The following AOPEP variants were observed in gnomAD, a reference collection of about 807,000 sequenced individuals.
AOPEP encodes aminopeptidase O (putative).
In AOPEP, 77 loss-of-function variants were observed where a neutral mutation model predicts 98.1. The ratio of observed to expected loss-of-function variants is 0.78; its 90% CI spans 0.65 to 0.95. AOPEP has a LOEUF of 0.95. Among genes scored for constraint, AOPEP ranks in the 40% least tolerant of loss-of-function variants. AOPEP has a pLI of 0.00. For synonymous variants in AOPEP, 346 were observed against 365.3 expected (o/e 0.95, Z 0.60); for missense variants, 1,024 against 1,024.7 (o/e 1.00, Z 0.01).
chr9:95,042,739 T>C (rs1236621597), intron 13 of AOPEP, among the ~76,000 whole-genome samples: 1 of 152,190 alleles, frequency 6.6e-6, no homozygotes, highest in Non-Finnish European at 1.5e-5. Context: ...TGGTTCTCTC[T>C]CTTGCCTGCC....
At chr9:95,032,963 G>C (rs1322928746) in intron 13 of AOPEP, among the ~76,000 whole-genome samples, 1 of 152,214 alleles carries the variant, frequency 6.6e-6, no homozygotes, top group African/African-American at 2.4e-5. Context: ...TAGAACACTA[G>C]AGTTCATTTT....
chr9:94,751,916 AG>A (rs2132241841), intron 1 of AOPEP, among the ~76,000 whole-genome samples: 1 of 142,408 alleles, frequency 7.0e-6, no homozygotes, highest in South Asian at 2.2e-4. Flanking sequence ...TTTTTGAGAA[AG>A]GGTCTCGCTG....
intron 14 of AOPEP, among the ~76,000 whole-genome samples, chr9:95,074,764 G>A (rs1317606471): frequency 6.6e-6 from 1 of 152,220 alleles, no homozygotes; most frequent in Non-Finnish European, 1.5e-5. Context: ...TATTTCATAT[G>A]TGAGCTCTCG....
At chr9:95,091,590 C>G (rs796611776), downstream of AOPEP, among the ~76,000 whole-genome samples, 1 of 152,250 alleles carries the variant, frequency 6.6e-6, no homozygotes, top group African/African-American at 2.4e-5. Flanking sequence ...AGGGTCGTTC[C>G]CAGCACCCGC....
chr9:94,802,962 GGGC>G (rs1483475039), intron 5 of AOPEP, among the ~76,000 whole-genome samples: 2 of 152,226 alleles, frequency 1.3e-5, no homozygotes, highest in Admixed American at 1.3e-4. Flanking sequence ...CCAACACCTT[GGGC>G]TACATGCAGC....
chr9:95,024,528 T>C (rs1459547053), intron 13 of AOPEP, among the ~76,000 whole-genome samples: 5 of 152,208 alleles, frequency 3.3e-5, no homozygotes, highest in South Asian at 4.1e-4. Context: ...TTTCTAGATA[T>C]GGTATCTGAC....
At chr9:94,771,483 G>C (rs975520880) in intron 2 of AOPEP, among the ~76,000 whole-genome samples, 1 of 152,066 alleles carries the variant, frequency 6.6e-6, no homozygotes, top group Non-Finnish European at 1.5e-5. Flanking sequence ...TAGGATAAGC[G>C]TACAGCAACT....
chr9:95,102,679 T>C, the AOPEP span, among the ~76,000 whole-genome samples: 1 of 152,178 alleles, frequency 6.6e-6, no homozygotes, highest in African/African-American at 2.4e-5. Flanking sequence ...ACTGCCTTGG[T>C]TTTCCCAGGA....
intron 5 of AOPEP, among the ~76,000 whole-genome samples, chr9:94,923,763 T>C (rs2053926002): frequency 6.6e-6 from 1 of 152,178 alleles, no homozygotes; most frequent in African/African-American, 2.4e-5. Context: ...CGTTTGATGA[T>C]GGAGAAAACT....
intron 9 of AOPEP, among the ~76,000 whole-genome samples, 181 bp from the exon 10 acceptor site, chr9:94,967,577 A>G (rs572832260): frequency 3.3e-5 from 5 of 152,318 alleles, no homozygotes; most frequent in East Asian, 1.9e-4. Flanking sequence ...ATCTCTTTCA[A>G]TGATTCGATT....
intron 5 of AOPEP, among the ~76,000 whole-genome samples, chr9:94,898,340 C>T (rs561894264): frequency 6.6e-6 from 1 of 152,120 alleles, no homozygotes; most frequent in Non-Finnish European, 1.5e-5. Context: ...TGAAGCTGGC[C>T]AGGCGTGGTG....
chr9:94,932,981 C>T, intron 7 of AOPEP: 1 of 985,408 alleles, frequency 1.0e-6, no homozygotes, highest in African/African-American at 1.7e-5. Context: ...TTAGGGGTCA[C>T]ATGCCATTTT....
intron 5 of AOPEP, among the ~76,000 whole-genome samples, chr9:94,815,933 A>AT (rs1384636918): frequency 6.6e-6 from 1 of 152,144 alleles, no homozygotes; most frequent in Admixed American, 6.5e-5. Context: ...CTCAAAGACA[A>AT]TTTCTGTAAT....
At chr9:94,962,869 G>A (rs1283624377) in intron 9 of AOPEP, among the ~76,000 whole-genome samples, 2 of 151,122 alleles carry the variant, frequency 1.3e-5, no homozygotes, top group African/African-American at 2.4e-5. Flanking sequence ...TCAGCCTCCC[G>A]AGTAGCTGGG....
chr9:94,988,844 G>A (rs1008754073), intron 11 of AOPEP, among the ~76,000 whole-genome samples: 1 of 151,916 alleles, frequency 6.6e-6, no homozygotes, highest in Non-Finnish European at 1.5e-5. Context: ...GGCTGGAACT[G>A]GTCAACATAA....
Position 94,980,636 on chromosome 9 carries a change from T to TA in AOPEP, c.1977+1210dup, listed in dbSNP as rs1252563021. Among the ~76,000 whole-genome samples, 6 of 152,210 alleles carry TA rather than the reference T, an allele frequency of 3.9e-5. No individual in the cohort carries two copies. The South Asian group carries it at 1.0e-3, about 26-fold the overall frequency. On this transcript the variant is annotated intron_variant, in intron 11 of 16. Coordinates refer to ENST00000375315, the MANE Select transcript of AOPEP (RefSeq NM_001193329.3). The surrounding 1 kb of genome is among the most constrained non-coding windows in gnomAD (Gnocchi z 4.3). The stretch of plus-strand genomic sequence containing the variant: ...CAGTTCAGGAATGTGTGTCACCTGT[T>TA]ACAAATTATTTCTTTGGTCCAGTCC...
chr9:95,029,365 T>C (rs2064108162), intron 13 of AOPEP, among the ~76,000 whole-genome samples: 1 of 152,226 alleles, frequency 6.6e-6, no homozygotes, highest in South Asian at 2.1e-4. Flanking sequence ...TTTGTCTGCG[T>C]GTGTTACTGA....
intron 7 of AOPEP, chr9:94,932,325 A>C (rs2055465220): frequency 1.0e-6 from 1 of 971,920 alleles, no homozygotes; most frequent in African/African-American, 1.8e-5. Context: ...TAGATACTGG[A>C]GTATTAACAA....
intron 1 of AOPEP, among the ~76,000 whole-genome samples, chr9:94,750,303 C>T (rs1038967135): frequency 1.3e-5 from 2 of 152,106 alleles, no homozygotes; most frequent in Non-Finnish European, 2.9e-5. Flanking sequence ...CTCCAGGTTT[C>T]GGCCAGGTGC....
Sources: allele counts gnomAD v4.1 joint callset (sites outside exome capture counted in the v4.1 genomes callset), GRCh38; gene constraint gnomAD v4.1.1; non-coding constraint Gnocchi (gnomAD v3.1); transcripts MANE v1.5; gene names NCBI Gene and HGNC (gene_info 2026-07-23, HGNC 2026-07-21).